CDC42: variants seen among roughly 807,000 people sequenced by gnomAD.
CDC42 encodes cell division cycle 42, also known as cell division control protein 42 homolog.
Under a neutral mutation model 20.8 loss-of-function variants are expected in CDC42, and 1 was observed. The observed-to-expected ratio is 0.05, with a 90% CI of 0.02 to 0.23. The LOEUF is 0.23. CDC42 is among the 10% of genes least tolerant of loss of function. The pLI is 1.00. For synonymous variants in CDC42, 72 were observed against 84.8 expected (o/e 0.85, Z 0.83); for missense variants, 49 against 227.9 (o/e 0.21, Z 5.05).
At chr1:22,079,169 C>CT (rs1570017558) in intron 2 of CDC42, among the ~76,000 whole-genome samples, 2 of 138,460 alleles carry the variant, frequency 1.4e-5, no homozygotes, top group East Asian at 4.2e-4. Context: ...GATGGAGTCT[C>CT]TATCGTCCAT....
chr1:22,084,956 G>A (rs10917143), intron 3 of CDC42, among the ~76,000 whole-genome samples: 3,330 of 152,152 alleles, frequency 0.022, 118 homozygotes, highest in African/African-American at 0.074. Flanking sequence ...GCTAGGCTAG[G>A]CACGGTGGCT....
At chr1:22,089,197 C>T (rs1372346825) in intron 5 of CDC42, among the ~76,000 whole-genome samples, 2 of 152,204 alleles carry the variant, frequency 1.3e-5, no homozygotes, top group Non-Finnish European at 2.9e-5. Context: ...ACCACCAATG[C>T]TGAGTCACAC....
chr1:22,065,554 C>T (rs1024113046), intron 1 of CDC42, among the ~76,000 whole-genome samples: 11 of 152,076 alleles, frequency 7.2e-5, no homozygotes, highest in African/African-American at 2.7e-4. Flanking sequence ...AATAAGGTGC[C>T]ATATTAGGTA....
intron 1 of CDC42, among the ~76,000 whole-genome samples, chr1:22,076,481 TG>T (rs1387828151): frequency 1.3e-5 from 2 of 152,136 alleles, no homozygotes; most frequent in East Asian, 3.8e-4. Flanking sequence ...TCAGACTGCT[TG>T]GGTTTAAATT....
intron 3 of CDC42, among the ~76,000 whole-genome samples, chr1:22,084,662 C>G (rs1645643348): frequency 6.6e-6 from 1 of 151,928 alleles, no homozygotes; most frequent in Non-Finnish European, 1.5e-5. Context: ...ATAAAATTTT[C>G]ACAGCTTCAT....
At chr1:22,089,811 A>C (rs973285368) in intron 5 of CDC42, 3 of 851,352 alleles carry the variant, frequency 3.5e-6, no homozygotes, top group Non-Finnish European at 5.2e-6. Flanking sequence ...AAGATCTAGC[A>C]TTCTAGCGTT....
chr1:22,075,021 TATC>T (rs1181994413), intron 1 of CDC42, among the ~76,000 whole-genome samples: 2 of 152,222 alleles, frequency 1.3e-5, no homozygotes, highest in Non-Finnish European at 2.9e-5. Flanking sequence ...GGAACTTCAT[TATC>T]ATTCCAATTG....
chr1:22,070,525 A>G (rs992321207), intron 1 of CDC42, among the ~76,000 whole-genome samples: 4 of 120,350 alleles, frequency 3.3e-5, no homozygotes, highest in Non-Finnish European at 6.4e-5. Context: ...GTGCAGTGGC[A>G]TGATCTTGGC....
chr1:22,060,339 A>G (rs1645349328), intron 1 of CDC42, among the ~76,000 whole-genome samples: 1 of 152,076 alleles, frequency 6.6e-6, no homozygotes, highest in Admixed American at 6.6e-5. Context: ...CCGTCTCAAA[A>G]AATTAAAAAA....
intron 1 of CDC42, among the ~76,000 whole-genome samples, chr1:22,060,018 T>G (rs1645345856): frequency 6.6e-6 from 1 of 152,148 alleles, no homozygotes; most frequent in South Asian, 2.1e-4. Context: ...AAGTGGCCAT[T>G]TGAAGCCATC....
intron 5 of CDC42, chr1:22,090,291 A>G: frequency 2.6e-6 from 3 of 1,148,848 alleles, no homozygotes; most frequent in Non-Finnish European, 3.2e-6. Context: ...GGTTTGGATT[A>G]CTATTGCAAA....
In CDC42 at chr1:22,091,994, T is replaced by C. The variant is rs1201400127; in HGVS notation, c.*477T>C. ...TGTGGGGTTTGTTTTTTAGTCTTGT[T>C]TTTTTAATTCATTAACCAGTGGTTA... On this transcript the variant is annotated 3_prime_UTR_variant, in exon 6 of 6. Transcript: ENST00000656825. The C allele has an allele frequency of 6.6e-6, 1 of 152,518 alleles. No homozygotes were observed. Among genetic ancestry groups the C allele is most frequent in the Non-Finnish European group, 1.5e-5 (1 of 68,082 alleles). 9.4% of individuals were successfully genotyped at this position (152,518 alleles called of 1,614,324 possible). A position where few individuals can be genotyped will look rare whatever the true frequency, so the allele number is the denominator to read the frequency against.
intron 1 of CDC42, among the ~76,000 whole-genome samples, chr1:22,074,882 T>G: frequency 6.6e-6 from 1 of 152,222 alleles, no homozygotes; most frequent in East Asian, 1.9e-4. Context: ...AAAGGGCCTA[T>G]TAGTTGTTTC....
intron 1 of CDC42, among the ~76,000 whole-genome samples, chr1:22,061,532 C>CTTTTTTTT (rs555957608): frequency 1.7e-4 from 6 of 36,232 alleles, no homozygotes; most frequent in Non-Finnish European, 2.7e-4. Context: ...ATGTTTCTTT[C>CTTTTTTTT]TTTTTTTTTT....
At chr1:22,053,801 A>G (rs1569940217) in intron 1 of CDC42, among the ~76,000 whole-genome samples, 3 of 152,254 alleles carry the variant, frequency 2.0e-5, no homozygotes, top group African/African-American at 4.8e-5. Flanking sequence ...TGTGTTCATG[A>G]CCGCCTTCAG....
At chr1:22,071,189 G>A (rs1349323142) in intron 1 of CDC42, among the ~76,000 whole-genome samples, 1 of 151,478 alleles carries the variant, frequency 6.6e-6, no homozygotes, top group Admixed American at 6.6e-5. Context: ...GACTACAGGC[G>A]CCTGCCACCA....
chr1:22,056,706 G>A (rs1645307942), intron 1 of CDC42, among the ~76,000 whole-genome samples: 2 of 152,206 alleles, frequency 1.3e-5, no homozygotes, highest in African/African-American at 2.4e-5. Flanking sequence ...TGCTTATTCC[G>A]TGAAGTGAAA....
intron 1 of CDC42, among the ~76,000 whole-genome samples, chr1:22,061,670 A>T (rs1266260817): frequency 1.4e-5 from 2 of 144,810 alleles, no homozygotes; most frequent in African/African-American, 5.1e-5. Context: ...CACCCTCCTG[A>T]GTAGCTGGGA....
At chr1:22,067,637 G>A (rs1569983979) in intron 1 of CDC42, among the ~76,000 whole-genome samples, 2 of 152,132 alleles carry the variant, frequency 1.3e-5, no homozygotes, top group Admixed American at 6.6e-5. Flanking sequence ...GAGCCACTGC[G>A]CCCATACCAG....
Sources: allele counts gnomAD v4.1 joint callset (sites outside exome capture counted in the v4.1 genomes callset), GRCh38; gene constraint gnomAD v4.1.1; transcripts MANE v1.5; gene names NCBI Gene and HGNC (gene_info 2026-07-23, HGNC 2026-07-21).